KDM3A: variants seen among roughly 807,000 people sequenced by gnomAD.
The protein encoded by KDM3A is lysine demethylase 3A, also known as lysine-specific demethylase 3A.
In KDM3A, 60 loss-of-function variants were observed where a neutral mutation model predicts 158.0. The observed-to-expected ratio is 0.38, with a 90% confidence interval of 0.31 to 0.47. KDM3A has a LOEUF of 0.47. KDM3A is among the 20% of genes least tolerant of loss of function. KDM3A has a pLI of 0.99. For missense variants in KDM3A, 1,319 were observed against 1,574.3 expected (o/e 0.84, Z 2.74); for synonymous variants, 608 against 549.3 (o/e 1.11, Z -1.49).
chr2:86,438,104 T>A (rs1316855682), upstream of KDM3A, among the ~76,000 whole-genome samples: 1 of 152,158 alleles, frequency 6.6e-6, no homozygotes, highest in African/African-American at 2.4e-5. Context: ...AATGTTTAAG[T>A]ATATTTCTGG....
At chr2:86,487,152 C>T (rs551316596) in intron 21 of KDM3A, 1 of 152,250 alleles carries the variant, frequency 6.6e-6, no homozygotes, top group South Asian at 2.1e-4. Flanking sequence ...TTATAGAAAT[C>T]CTGAAGCTTT....
At chr2:86,490,708 G>A in intron 23 of KDM3A, 173 bp from the exon 24 acceptor site, 1 of 542,016 alleles carries the variant, frequency 1.8e-6, no homozygotes, top group Non-Finnish European at 3.3e-6. Context: ...TCATTCTTCT[G>A]TTGGTTCATT....
chr2:86,453,351 C>T (rs1189744499), intron 4 of KDM3A, among the ~76,000 whole-genome samples: 3 of 152,224 alleles, frequency 2.0e-5, no homozygotes, highest in Admixed American at 6.5e-5. Context: ...CGAAATTCCA[C>T]GTTGGGGGAT....
intron 12 of KDM3A, among the ~76,000 whole-genome samples, chr2:86,475,997 C>T (rs754551955): frequency 1.3e-5 from 2 of 152,170 alleles, no homozygotes; most frequent in East Asian, 1.9e-4. Context: ...AAGGGAATTG[C>T]GAGTGCCTGG....
chr2:86,478,392 T>C (rs745858389), intron 14 of KDM3A, 127 bp downstream of exon 14: 65 of 836,794 alleles, frequency 7.8e-5, no homozygotes, highest in Non-Finnish European at 9.9e-5. Flanking sequence ...TCCAGAAATA[T>C]ATTAGATAAT....
upstream of KDM3A, among the ~76,000 whole-genome samples, chr2:86,439,361 G>T (rs764488314): frequency 6.6e-6 from 1 of 151,786 alleles, no homozygotes; most frequent in Non-Finnish European, 1.5e-5. Flanking sequence ...TTAATTTGCT[G>T]GTATTTTATA....
At chr2:86,471,847 T>C (rs771462521) in intron 11 of KDM3A, among the ~76,000 whole-genome samples, 1 of 152,220 alleles carries the variant, frequency 6.6e-6, no homozygotes, top group Non-Finnish European at 1.5e-5. Context: ...TATATTAATA[T>C]ATTCTGAATA....
At chr2:86,441,881 AG>A (rs1682729896) in intron 1 of KDM3A, 136 bp from the exon 2 acceptor site, 2 of 307,114 alleles carry the variant, frequency 6.5e-6, no homozygotes, top group Non-Finnish European at 9.8e-6. Context: ...AGGGCGCAGG[AG>A]GGGGGCTCGG....
At position 86,482,517 on chromosome 2, in the gene KDM3A, G is replaced by C; in HGVS notation, c.2745G>C (p.Val915=). The C allele has an allele frequency of 1.9e-6, 3 of 1,614,172 alleles. No homozygotes were observed. The highest frequency in any genetic ancestry group is 2.5e-6 in the Non-Finnish European group (3 of 1,180,018). The change falls in exon 18 of 26, where the codon GTG becomes GTC. Residue 915 remains valine, a synonymous_variant. Transcript: ENST00000312912. The part of the protein sequence containing the change: ...KILDDIFASL[V]QNKTTSDLSK... ...TTGATGACATCTTTGCCTCTTTGGT[G>C]CAAAATAAGACGACTTCTGATTTAT...
rs34673273 is a variant in KDM3A at position 86,482,581 on chromosome 2, C to T, written c.2809C>T (p.Leu937=). Residue 937 remains leucine, a synonymous_variant, in exon 18 of 26, where the codon CTG becomes TTG. Transcript: ENST00000312912. ...AGGACTAACCATCAAGCCCAGCATT[C>T]TGGGCTTTGACACTCCTCACTATTG... ...PQGLTIKPSI[L]GFDTPHYWLC... 6,564 of 1,614,056 alleles carry T rather than the reference C, an allele frequency of 4.1e-3. 252 individuals carry two copies. In the African/African-American group the frequency reaches 0.078, roughly 19 times the overall value.
At chr2:86,482,159 G>C (rs1673961845) in intron 17 of KDM3A, 57 bp downstream of exon 17, 4 of 1,553,628 alleles carry the variant, frequency 2.6e-6, no homozygotes, top group South Asian at 1.1e-5. Flanking sequence ...AACAGGAAGA[G>C]AGTAGAGAAG....
At chr2:86,484,873 T>G in intron 19 of KDM3A, 69 bp from the exon 20 acceptor site, 1 of 935,578 alleles carries the variant, frequency 1.1e-6, no homozygotes, top group Admixed American at 2.2e-5. Context: ...CATAAAATGC[T>G]AATTTGTCAT....
At position 86,464,214 on chromosome 2, in the gene KDM3A, A is replaced by C. The variant is rs535868641; in HGVS notation, c.1005A>C (p.Gln335His). Residue 335 changes from glutamine (Q) to histidine (H), a missense_variant and splice_region_variant, in exon 9 of 26, where the codon CAA becomes CAC. Physicochemically the swap from Gln to His is conservative, Grantham distance 24. This residue lies in a region of KDM3A where 652 missense variants were observed against 627.2 expected (regional missense o/e 1.04). Coordinates refer to ENST00000312912, the MANE Select transcript of KDM3A (RefSeq NM_018433.6). ...CTAACCTTGGAGCAAAAATTCCTCA[A>C]GGGTGAGTAGTGATTTGTTAAAGAT... ...SPPNLGAKIP[Q>H]GCHKQSLPEE... is the part of the protein sequence containing the mutation. The C allele has an allele frequency of 6.3e-7, 1 of 1,576,796 alleles. No individual in the cohort carries two copies. The highest frequency in any genetic ancestry group is 1.2e-5 in the South Asian group (1 of 85,326).
intron 19 of KDM3A, chr2:86,484,672 TC>T: frequency 2.6e-6 from 1 of 386,566 alleles, no homozygotes; most frequent in Non-Finnish European, 4.7e-6. Context: ...CTGACACAGA[TC>T]CATTAGTTGG....
intron 3 of KDM3A, 79 bp downstream of exon 3, chr2:86,450,041 G>A: frequency 7.1e-7 from 1 of 1,416,266 alleles, no homozygotes; most frequent in Non-Finnish European, 9.5e-7. Flanking sequence ...ATATGTAAAT[G>A]TAATGCCAGA....
chr2:86,491,463 T>G (rs1367816749), intron 25 of KDM3A, 188 bp downstream of exon 25: 1 of 599,706 alleles, frequency 1.7e-6, no homozygotes, highest in Non-Finnish European at 2.9e-6. Flanking sequence ...AAATCTCACC[T>G]TGGTTTGATT....
chr2:86,483,842 C>A (rs1006217806), intron 18 of KDM3A, 145 bp from the exon 19 acceptor site: 2 of 637,944 alleles, frequency 3.1e-6, no homozygotes, highest in Admixed American at 6.3e-5. Context: ...GCTCAGAGAA[C>A]TAAGCCGAAA....
intron 9 of KDM3A, among the ~76,000 whole-genome samples, chr2:86,464,678 AGGT>A (rs1385939205): frequency 6.6e-6 from 1 of 152,234 alleles, no homozygotes; most frequent in Non-Finnish European, 1.5e-5. Flanking sequence ...CAATATCTGT[AGGT>A]GGTAACTGTT....
At chr2:86,471,361 A>ATGTGTATATATGTATATATATG (rs1425511090) in intron 11 of KDM3A, among the ~76,000 whole-genome samples, 3 of 149,848 alleles carry the variant, frequency 2.0e-5, no homozygotes, top group Non-Finnish European at 4.5e-5. Context: ...GTGTGTGTAT[A>ATGTGTATATATGTATATATATG]TGTGTATATA....
Sources: allele counts gnomAD v4.1 joint callset (sites outside exome capture counted in the v4.1 genomes callset), GRCh38; gene constraint gnomAD v4.1.1; regional missense constraint gnomAD v4.1.1; transcripts MANE v1.5; gene names NCBI Gene and HGNC (gene_info 2026-07-23, HGNC 2026-07-21).